Variants in ULBP3 observed in about 807,000 individuals in gnomAD.
ULBP3 encodes UL16 binding protein 3.
Under a neutral mutation model 24.9 loss-of-function variants are expected in ULBP3, and 25 were observed. That is an observed-to-expected ratio of 1.00 (90% CI 0.73 to 1.40). The LOEUF is 1.40. Ranked by LOEUF, ULBP3 falls within the 40% of genes most tolerant of loss-of-function variation. The probability of loss-of-function intolerance (pLI) is 0.00; values close to 1 mark genes in which losing one functional copy is unlikely to be tolerated. For missense variants in ULBP3, 306 were observed against 307.5 expected, an observed-to-expected ratio of 1.00 and a Z score of 0.04; for synonymous variants, 114 against 114.7, an observed-to-expected ratio of 0.99 and a Z score of 0.04.
At position 150,064,578 on chromosome 6, in the gene ULBP3, A is replaced by T. The variant is rs201738415; in HGVS notation, c.*22+7T>A. ...TCTCGTTCCCCTCACAGTTTTGCCCACAGTACCTGTCACTCTAAATGACTC... is the reference window on the plus strand; with the variant it reads ...TCTCGTTCCCCTCACAGTTTTGCCCTCAGTACCTGTCACTCTAAATGACTC... On this transcript the variant is annotated splice_region_variant and intron_variant, in intron 4 of 4. Transcript: ENST00000367339. The T allele has an allele frequency of 6.2e-7, 1 of 1,612,018 alleles. No individual in the cohort carries two copies. The highest frequency in any genetic ancestry group is 1.7e-5 in the Admixed American group (1 of 59,966).
chr6:150,063,488 C>T, intron 4 of ULBP3, 137 bp from the exon 5 acceptor site: 1 of 346,594 alleles, frequency 2.9e-6, no homozygotes, highest in Non-Finnish European at 4.1e-6. Context: ...CCAACCCTAC[C>T]CCTGGCTGTG....
At position 150,065,975 on chromosome 6, in the gene ULBP3, C is replaced by T; in HGVS notation, c.276G>A (p.Leu92=). Residue 92 remains leucine (L), a synonymous_variant, in exon 2 of 5, where the codon CTG becomes CTA. Coordinates refer to ENST00000367339, the MANE Select transcript of ULBP3 (RefSeq NM_024518.3). Reference sequence around the variant, plus strand: ...TCTGCCCCACCTCTCTCAGCATTTCCAGTTGTTTTCCCCAGGCATCTGTGG... The same window carrying T: ...TCTGCCCCACCTCTCTCAGCATTTCTAGTTGTTTTCCCCAGGCATCTGTGG... ...LYATDAWGKQ[L]EMLREVGQRL... The T allele has an allele frequency of 6.2e-7, 1 of 1,614,200 alleles. No homozygotes were observed. The highest frequency in any genetic ancestry group is 8.5e-7 in the Non-Finnish European group (1 of 1,180,034).
intron 4 of ULBP3, 113 bp downstream of exon 4, chr6:150,064,472 A>G: frequency 1.1e-6 from 1 of 951,754 alleles, no homozygotes; most frequent in Non-Finnish European, 1.6e-6. Context: ...GTCTCATGTC[A>G]GAACGAGAAG....
Position 150,065,953 on chromosome 6 carries a change from G to GC in ULBP3, c.297dup (p.Gln100AlafsTer9). ...TCAGCCAGTTCCAGTCTGAGCCTCTGCCCCACCTCTCTCAGCATTTCCAGT... is the reference window on the plus strand; with the variant it reads ...TCAGCCAGTTCCAGTCTGAGCCTCTGCCCCCACCTCTCTCAGCATTTCCAGT... On this transcript the variant is annotated frameshift_variant, in exon 2 of 5. Coordinates refer to ENST00000367339, the MANE Select transcript of ULBP3 (RefSeq NM_024518.3). LOFTEE classifies it high-confidence loss of function. The GC allele has an allele frequency of 6.2e-7, 1 of 1,614,170 alleles. No individual in the cohort carries two copies.
chr6:150,065,283 A>G, intron 3 of ULBP3, 115 bp downstream of exon 3: 1 of 1,412,006 alleles, frequency 7.1e-7, no homozygotes, highest in East Asian at 2.3e-5. Flanking sequence ...ACACATACAT[A>G]GACTCACACC....
chr6:150,067,994 T>G (rs9371692), intron 1 of ULBP3, among the ~76,000 whole-genome samples: 75,541 of 151,956 alleles, frequency 0.5, 20,328 homozygotes, highest in Middle Eastern at 0.69. Context: ...TCACAGGGTG[T>G]GCTCCTCACC....
chr6:150,065,303 C>A, intron 3 of ULBP3, 95 bp downstream of exon 3: 1 of 1,532,736 alleles, frequency 6.5e-7, no homozygotes. Context: ...CCACTCACAC[C>A]CATACACCCA....
rs1776390943 is a variant in ULBP3, at chr6:150,069,026, G to A, written c.41C>T (p.Ala14Val). The A allele has an allele frequency of 1.2e-6, 2 of 1,611,806 alleles. No homozygotes were observed. Among genetic ancestry groups the A allele is most frequent in the African/African-American group, 1.3e-5 (1 of 74,850 alleles). Residue 14 changes from alanine to valine, a missense_variant, in exon 1 of 5, where the codon GCG (alanine) becomes GTG (valine). By Grantham distance (64) the Ala-to-Val change is moderately conservative (BLOSUM62 0). Transcript: ENST00000367339. The part of the protein sequence containing the change: ...AASPAILPRL[A>V]ILPYLLFDWS... ...GTCGAATAGCAGGTACGGAAGAATC[G>A]CGAGGCGCGGAAGGATCGCGGGGCT...
At chr6:150,064,261 G>A (rs1212764894) in intron 4 of ULBP3, among the ~76,000 whole-genome samples, 1 of 152,136 alleles carries the variant, frequency 6.6e-6, no homozygotes, top group East Asian at 1.9e-4. Context: ...CTGCCTGCAG[G>A]CCACACACCA....
chr6:150,066,106 G>C lies in ULBP3; in HGVS notation c.145C>G (p.Gln49Glu), dbSNP rs773904670. The C allele has an allele frequency of 5.6e-6, 9 of 1,614,046 alleles. No individual in the cohort carries two copies. The highest frequency in any genetic ancestry group is 7.6e-6 in the Non-Finnish European group (9 of 1,180,048). Reference protein sequence around the residue: ...TIIHLPRHGQQWCEVQSQVDQ... With the variant: ...TIIHLPRHGQEWCEVQSQVDQ... The stretch of plus-strand genomic sequence containing the variant: ...ACCTGGCTCTGGACCTCACACCACT[G>C]TTGCCCATGTCTGGGCAAATGAATG... Residue 49 changes from glutamine (Q) to glutamate (E), a missense_variant, in exon 2 of 5, where the codon CAG becomes GAG. Physicochemically the swap from Gln to Glu is conservative, Grantham distance 29 (BLOSUM62 2). Coordinates refer to ENST00000367339, the MANE Select transcript of ULBP3 (RefSeq NM_024518.3).
Position 150,062,282 on chromosome 6 carries a change from T to G in ULBP3, c.*1092A>C, listed in dbSNP as rs1277125668. On this transcript the variant is annotated 3_prime_UTR_variant, in exon 5 of 5. Transcript: ENST00000367339. ...TGTTACAATTGTTTTTAGTGTCTTC[T>G]TCATGAAATCTTTGCCAGGCCCTAT... 2.0e-5 allele frequency among the ~76,000 whole-genome samples: 3 copies of G among 152,240 alleles called. No individual in the cohort carries two copies. The highest frequency in any genetic ancestry group is 6.5e-5 in the Admixed American group (1 of 15,290).
At chr6:150,064,784 T>A in intron 3 of ULBP3, 71 bp from the exon 4 acceptor site, 1 of 1,506,790 alleles carries the variant, frequency 6.6e-7, no homozygotes, top group Middle Eastern at 1.7e-4. Context: ...CCTTAGCTCC[T>A]GCTACCCCAG....
At position 150,063,245 on chromosome 6, in the gene ULBP3, A is replaced by G. The variant is rs1201249374; in HGVS notation, c.*129T>C. The G allele has an allele frequency of 1.3e-4, 83 of 625,146 alleles. No homozygotes were observed. Among genetic ancestry groups the G allele is most frequent in the Non-Finnish European group, 1.6e-4 (81 of 501,274 alleles). 38.7% of individuals were successfully genotyped at this position (625,146 alleles called of 1,614,324 possible). On this transcript the variant is annotated 3_prime_UTR_variant, in exon 5 of 5. Coordinates refer to ENST00000367339, the MANE Select transcript of ULBP3 (RefSeq NM_024518.3). ...GGCCTCTGGGCTTGCTAAGGCTTGA[A>G]CTCCTGCTTTCCAGAAAGGCACAGT...
chr6:150,068,857 G>A, intron 1 of ULBP3, 122 bp downstream of exon 1: 1 of 1,029,802 alleles, frequency 9.7e-7, no homozygotes, highest in Non-Finnish European at 1.4e-6. Context: ...AACTGAGCGT[G>A]GGGGCAGTCC....
intron 1 of ULBP3, among the ~76,000 whole-genome samples, chr6:150,066,619 C>A (rs1395967994): frequency 6.6e-6 from 1 of 152,146 alleles, no homozygotes; most frequent in Non-Finnish European, 1.5e-5. Context: ...GCCCTTGGAA[C>A]CTTGGAAAAA....
rs561748890 is a variant in ULBP3, at chr6:150,062,758, T to A, written c.*616A>T. Among the ~76,000 whole-genome samples, 1 of 150,732 alleles carries A rather than the reference T, an allele frequency of 6.6e-6. No individual in the cohort carries two copies. Among genetic ancestry groups the A allele is most frequent in the African/African-American group, 2.4e-5 (1 of 41,010 alleles). On this transcript the variant is annotated 3_prime_UTR_variant, in exon 5 of 5. Transcript: ENST00000367339. ...TGGGATTTCTTGTTCAGTTAAAACTTGTGCAGGAATTCCATCCATTAGCAC... is the reference window on the plus strand; with the variant it reads ...TGGGATTTCTTGTTCAGTTAAAACTAGTGCAGGAATTCCATCCATTAGCAC...
chr6:150,066,117 C>G lies in ULBP3; in HGVS notation c.134G>C (p.Arg45Thr). ...GACCTCACACCACTGTTGCCCATGT[C>G]TGGGCAAATGAATGATGGTGAAGTT... ...WYNFTIIHLP[R>T]HGQQWCEVQS... The change falls in exon 2 of 5, where the codon AGA becomes ACA. Residue 45 changes from arginine to threonine, a missense_variant. Physicochemically the swap from Arg to Thr is moderately conservative, Grantham distance 71. Coordinates refer to ENST00000367339, the MANE Select transcript of ULBP3 (RefSeq NM_024518.3). The G allele has an allele frequency of 6.2e-7, 1 of 1,614,042 alleles. No homozygotes were observed. Among genetic ancestry groups the G allele is most frequent in the Non-Finnish European group, 8.5e-7 (1 of 1,180,020 alleles).
Position 150,065,551 on chromosome 6 carries a change from A to C in ULBP3, c.475T>G (p.Trp159Gly). The change falls in exon 3 of 5, where the codon TGG (tryptophan) becomes GGG (glycine). Residue 159 changes from tryptophan to glycine, a missense_variant. Trp to Gly is a radical substitution (Grantham distance 184). Coordinates refer to ENST00000367339, the MANE Select transcript of ULBP3 (RefSeq NM_024518.3). ...CTGGCTCCAGCGTGAACCACTGTCC[A>C]CTTTCTGTTGTTTGAGTCAAAGAGG... is the stretch of plus-strand genomic sequence containing the variant. ...FLLFDSNNRK[W>G]TVVHAGARRM... The C allele has an allele frequency of 7.4e-6, 12 of 1,613,924 alleles. No homozygotes were observed. The highest frequency in any genetic ancestry group is 1.0e-5 in the Non-Finnish European group (12 of 1,179,960).
rs1776293230 is a variant in ULBP3 at position 150,063,054 on chromosome 6, A to G, written c.*320T>C. 3 of 138,152 alleles carry G rather than the reference A, an allele frequency of 2.2e-5. No individual in the cohort carries two copies. The highest frequency in any genetic ancestry group is 1.6e-4 in the Admixed American group (2 of 12,274). The allele number at this position is 138,152 out of a possible 1,614,324, so 8.6% of individuals were successfully genotyped here. On this transcript the variant is annotated 3_prime_UTR_variant, in exon 5 of 5. Transcript: ENST00000367339. Reference sequence around the variant, plus strand: ...GAAGCGGAGCTTGCAGTGAGCCGAGATTGCGCCACTGCAGTCCGCAGTCCG... The same window carrying G: ...GAAGCGGAGCTTGCAGTGAGCCGAGGTTGCGCCACTGCAGTCCGCAGTCCG...
Sources: gnomAD v4.1 joint callset for allele counts (sites outside exome capture counted in the v4.1 genomes callset) on GRCh38, gnomAD v4.1.1 for gene constraint, MANE v1.5 for transcripts, NCBI Gene and HGNC (gene_info 2026-07-23, HGNC 2026-07-21) for gene names.